KDM5C: variants seen among roughly 807,000 people sequenced by gnomAD.
The protein encoded by KDM5C is lysine-specific demethylase 5C.
Under a neutral mutation model 110.6 loss-of-function variants are expected in KDM5C, and 16 were observed. That is an observed-to-expected ratio of 0.14 (90% CI 0.10 to 0.22). The LOEUF (loss-of-function observed/expected upper bound fraction) is 0.22. Ranked by LOEUF, KDM5C falls within the 10% of genes least tolerant of loss-of-function variation. The pLI is 1.00. For synonymous variants in KDM5C, 511 were observed against 520.4 expected, an observed-to-expected ratio of 0.98 and a Z score of 0.24; for missense variants, 681 against 1,300.9, an observed-to-expected ratio of 0.52 and a Z score of 7.33.
Position 53,195,044 on chromosome X carries a change from C to T in KDM5C, c.3325G>A (p.Gly1109Ser), listed in dbSNP as rs1556835545. Residue 1109 changes from glycine (G) to serine (S), a missense_variant, in exon 22 of 26, where the codon GGC becomes AGC. This residue lies in a region of KDM5C where 66 missense variants were observed against 162.9 expected (regional missense o/e 0.41). Coordinates refer to ENST00000375401, the MANE Select transcript of KDM5C (RefSeq NM_004187.5). ...CGGCTGCGCTTGGTGCTGTCTGAGC[C>T]GGCATCTGCACATGGGCAGAGAACC... ...LEVLCPCADA[G>S]SDSTKRSRWM... The T allele has an allele frequency of 3.3e-6, 4 of 1,209,358 alleles. No individual in the cohort carries two copies. Among genetic ancestry groups the T allele is most frequent in the East Asian group, 5.9e-5 (2 of 33,747 alleles).
rs192200377 is a variant in KDM5C at position 53,224,139 on chromosome X, G to A, written c.150+601C>T. On this transcript the variant is annotated intron_variant, in intron 1 of 25. Transcript: ENST00000375401. ...AATGACCACATCAAACACCCTCACA[G>A]TCACAATAATTACCACTTATCTAGT... Among the ~76,000 whole-genome samples, 7 of 112,014 alleles carry A rather than the reference G, an allele frequency of 6.2e-5. No homozygotes were observed. The East Asian group carries it at 2.0e-3, about 31-fold the overall frequency.
chrX:53,203,027 C>T (rs1396194112), intron 12 of KDM5C, among the ~76,000 whole-genome samples: 1 of 110,630 alleles, frequency 9.0e-6, no homozygotes, highest in African/African-American at 3.3e-5. Flanking sequence ...ACCGTGGTCT[C>T]GATCTCCTGA....
At chrX:53,203,119 T>A (rs782301452) in intron 12 of KDM5C, among the ~76,000 whole-genome samples, 54 of 112,165 alleles carry the variant, frequency 4.8e-4, no homozygotes, top group African/African-American at 1.7e-3. Context: ...ATCCTTTTTT[T>A]AAAAACTCCC....
intron 8 of KDM5C, chrX:53,212,638 G>A (rs1222266852): frequency 9.0e-6 from 1 of 111,102 alleles, no homozygotes; most frequent in East Asian, 2.9e-4. Context: ...GCTTAGAGAA[G>A]GTTTTTTATG....
At chrX:53,200,787 T>C (rs1476441378) in intron 14 of KDM5C, among the ~76,000 whole-genome samples, 2 of 112,299 alleles carry the variant, frequency 1.8e-5, no homozygotes, top group Admixed American at 9.4e-5. Context: ...AGTGTGAAAT[T>C]TGAAGATGAT....
At chrX:53,199,949 G>A (rs1165546279) in intron 14 of KDM5C, among the ~76,000 whole-genome samples, 1 of 111,281 alleles carries the variant, frequency 9.0e-6, no homozygotes, top group Non-Finnish European at 1.9e-5. Flanking sequence ...CCACTTATAT[G>A]CTGTGTGATC....
chrX:53,191,769 AC>A, downstream of KDM5C: 2 of 175,838 alleles, frequency 1.1e-5, no homozygotes, highest in Non-Finnish European at 1.1e-5. Context: ...CACTTTAGAA[AC>A]CCCCCAAATC....
intron 12 of KDM5C, among the ~76,000 whole-genome samples, chrX:53,203,787 C>T (rs782711124): frequency 4.9e-4 from 51 of 104,901 alleles, no homozygotes; most frequent in African/African-American, 1.4e-3. Context: ...TTTTTTTTGA[C>T]GCAGAGTCTC....
At chrX:53,212,647 T>C (rs782421535) in intron 8 of KDM5C, 2 of 111,457 alleles carry the variant, frequency 1.8e-5, no homozygotes, top group Non-Finnish European at 3.8e-5. Flanking sequence ...AGGTTTTTTA[T>C]GCCCAGACTA....
At chrX:53,190,530 C>G (rs1428077991), downstream of KDM5C, among the ~76,000 whole-genome samples, 1 of 112,014 alleles carries the variant, frequency 8.9e-6, no homozygotes, top group Non-Finnish European at 1.9e-5. Flanking sequence ...CCCTTCCTGC[C>G]CATCCCAGCT....
At chrX:53,215,625 T>C in intron 7 of KDM5C, 170 bp downstream of exon 7, 2 of 506,777 alleles carry the variant, frequency 3.9e-6, no homozygotes, top group East Asian at 7.2e-5. Flanking sequence ...TTTCTTGCTC[T>C]TTGTTCCATA....
Position 53,211,586 on chromosome X carries a change from C to T in KDM5C, c.1312G>A (p.Val438Ile), listed in dbSNP as rs2146920014. Residue 438 changes from valine (V) to isoleucine (I), a missense_variant, in exon 10 of 26, where the codon GTT becomes ATT. Physicochemically the swap from Val to Ile is conservative, Grantham distance 29. This residue lies in a region of KDM5C where 41 missense variants were observed against 205.9 expected (regional missense o/e 0.20). Coordinates refer to ENST00000375401, the MANE Select transcript of KDM5C (RefSeq NM_004187.5). The stretch of plus-strand genomic sequence containing the variant: ...GAATGGATGTCAGCTCCATACTCAA[C>T]AGTCACATCTTCCTCAATGCTATTT... The part of the protein sequence containing the change: ...LVNSIEEDVT[V>I]EYGADIHSKE... 8.3e-7 allele frequency: 1 copy of T among 1,211,426 alleles called. No individual in the cohort carries two copies. The highest frequency in any genetic ancestry group is 1.1e-6 in the Non-Finnish European group (1 of 895,031).
intron 8 of KDM5C, chrX:53,212,564 A>C (rs2073604531): frequency 8.9e-6 from 1 of 112,658 alleles, no homozygotes; most frequent in South Asian, 3.7e-4. Flanking sequence ...TTGGCCTCCC[A>C]AGTGCTGGGA....
At chrX:53,211,987 G>A in intron 8 of KDM5C, 81 bp from the exon 9 acceptor site, 1 of 1,127,334 alleles carries the variant, frequency 8.9e-7, no homozygotes, top group Non-Finnish European at 1.2e-6. Context: ...GAATATAAGG[G>A]GTAGGGAGGG....
chrX:53,218,244 G>T, intron 3 of KDM5C, 32 bp downstream of exon 3: 1 of 1,210,333 alleles, frequency 8.3e-7, no homozygotes, highest in Non-Finnish European at 1.1e-6. Context: ...GGGGTTTGGT[G>T]GGAGGGGTGC....
At position 53,198,963 on chromosome X, in the gene KDM5C, AG is replaced by A; in HGVS notation, c.2243+13del. On this transcript the variant is annotated intron_variant, in intron 15 of 25. Transcript: ENST00000375401. The stretch of plus-strand genomic sequence containing the variant: ...CCTTCTTGCCCCACTTCCTCCAGAA[AG>A]GCCCATGCTCACCGCAGGTACTGCC... 8.3e-7 allele frequency: 1 copy of A among 1,212,059 alleles called. No homozygotes were observed. Among genetic ancestry groups the A allele is most frequent in the Non-Finnish European group, 1.1e-6 (1 of 895,478 alleles).
Position 53,192,858 on chromosome X carries a change from G to GCCCCCCCGCCCC in KDM5C, c.*108_*109insGGGGCGGGGGGG. 1 of 728,432 alleles carries GCCCCCCCGCCCC rather than the reference G, an allele frequency of 1.4e-6. No homozygotes were observed. The highest frequency in any genetic ancestry group is 1.8e-6 in the Non-Finnish European group (1 of 548,377). The allele number at this position is 728,432 out of a possible 1,213,427, so 60.0% of individuals were successfully genotyped here. A position where few individuals can be genotyped will look rare whatever the true frequency, so the allele number is the denominator to read the frequency against. On this transcript the variant is annotated 3_prime_UTR_variant, in exon 26 of 26. Transcript: ENST00000375401. ...CAGGGGTGGGCGGGTAGCAGGGATG[G>GCCCCCCCGCCCC]CCACCCCCCTACCCGCCCACCCCCC...
At chrX:53,216,306 G>T in intron 5 of KDM5C, 109 bp from the exon 6 acceptor site, 1 of 1,092,057 alleles carries the variant, frequency 9.2e-7, no homozygotes, top group Non-Finnish European at 1.3e-6. Context: ...GCTGAGGGCT[G>T]AGGCACAGAT....
At chrX:53,185,728 A>AATT (rs1934199048) in intron 25 of KDM5C, among the ~76,000 whole-genome samples, 1 of 111,722 alleles carries the variant, frequency 9.0e-6, no homozygotes, top group African/African-American at 3.3e-5. Context: ...AACAGTGGAT[A>AATT]ATTAAGGATA....
Sources: gnomAD v4.1 joint callset for allele counts (sites outside exome capture counted in the v4.1 genomes callset) on GRCh38, gnomAD v4.1.1 for gene constraint, gnomAD v4.1.1 regional missense constraint, MANE v1.5 for transcripts, NCBI Gene and HGNC (gene_info 2026-07-23, HGNC 2026-07-21) for gene names.